The following ANKRD44 variants were observed in gnomAD, a reference collection of about 807,000 sequenced individuals.
ANKRD44 encodes the protein ankyrin repeat domain 44.
Under a neutral mutation model 116.0 loss-of-function variants are expected in ANKRD44, and 35 were observed. The observed-to-expected ratio is 0.30, with a 90% confidence interval of 0.23 to 0.40. The LOEUF (loss-of-function observed/expected upper bound fraction) is 0.40, where lower values mean the gene tolerates loss of function less well. Ranked by LOEUF, ANKRD44 falls within the 10% of genes least tolerant of loss-of-function variation. The pLI is 1.00. For synonymous variants in ANKRD44, 435 were observed against 461.8 expected (o/e 0.94, Z 0.74); for missense variants, 1,014 against 1,242.6 (o/e 0.82, Z 2.77).
intron 2 of ANKRD44, among the ~76,000 whole-genome samples, chr2:197,152,531 C>A (rs2079679487): frequency 6.6e-6 from 1 of 152,212 alleles, no homozygotes; most frequent in Admixed American, 6.5e-5. Flanking sequence ...AAGATACACA[C>A]AGCCAGCAGG....
At chr2:197,097,847 T>C (rs891603447) in intron 10 of ANKRD44, among the ~76,000 whole-genome samples, 3 of 152,202 alleles carry the variant, frequency 2.0e-5, no homozygotes, top group African/African-American at 7.2e-5. Flanking sequence ...CAGAGTGGAA[T>C]GTAATTCTTT....
intron 1 of ANKRD44, among the ~76,000 whole-genome samples, chr2:197,228,787 G>A (rs1265115751): frequency 6.6e-6 from 1 of 152,216 alleles, no homozygotes; most frequent in Non-Finnish European, 1.5e-5. Flanking sequence ...TGTAATCCCA[G>A]CACTTTGGGA....
chr2:196,967,331 A>T (rs2075680608), exon 22 of ANKRD44: 1 of 407,504 alleles, frequency 2.5e-6, no homozygotes, highest in Non-Finnish European at 5.3e-6. Flanking sequence ...GCTCCTGCAG[A>T]GTGTAACCCT....
chr2:197,008,008 C>CTCT (rs2076231545), intron 19 of ANKRD44, 85 bp from the exon 20 acceptor site: 3 of 465,638 alleles, frequency 6.4e-6, no homozygotes, highest in Admixed American at 3.6e-5. Flanking sequence ...TCTCTTTCTC[C>CTCT]CATTCTCTTC....
At chr2:197,236,464 T>A (rs907931073) in intron 1 of ANKRD44, among the ~76,000 whole-genome samples, 16 of 152,162 alleles carry the variant, frequency 1.1e-4, no homozygotes, top group African/African-American at 3.4e-4. Flanking sequence ...GCACAGTGTA[T>A]TTCTGTAGGC....
intron 1 of ANKRD44, among the ~76,000 whole-genome samples, chr2:197,286,699 A>G (rs2083417126): frequency 6.6e-6 from 1 of 152,078 alleles, no homozygotes; most frequent in Non-Finnish European, 1.5e-5. Flanking sequence ...TTTTTAATGT[A>G]ATTTTTTTTT....
intron 2 of ANKRD44, among the ~76,000 whole-genome samples, chr2:197,176,398 T>C (rs1273178348): frequency 6.6e-6 from 1 of 152,180 alleles, no homozygotes; most frequent in African/African-American, 2.4e-5. Flanking sequence ...AAGTTTATTA[T>C]GATGCCCACA....
At chr2:197,142,446 A>AT (rs922072439) in intron 3 of ANKRD44, among the ~76,000 whole-genome samples, 6 of 152,318 alleles carry the variant, frequency 3.9e-5, no homozygotes, top group Non-Finnish European at 7.3e-5. Context: ...CTTGCTATTG[A>AT]TTTTTTTAAC....
intron 2 of ANKRD44, among the ~76,000 whole-genome samples, chr2:197,176,156 A>C (rs1468496186): frequency 6.6e-6 from 1 of 152,202 alleles, no homozygotes; most frequent in Non-Finnish European, 1.5e-5. Flanking sequence ...CAAAGATTGG[A>C]CTGTGACACC....
At chr2:197,000,013 A>C (rs2125896442) in intron 23 of ANKRD44, among the ~76,000 whole-genome samples, 1 of 152,338 alleles carries the variant, frequency 6.6e-6, no homozygotes, top group South Asian at 2.1e-4. Flanking sequence ...CATTCAATGA[A>C]ATAATATGTA....
chr2:197,067,396 C>G (rs946934656), intron 16 of ANKRD44, among the ~76,000 whole-genome samples: 1 of 152,156 alleles, frequency 6.6e-6, no homozygotes, highest in African/African-American at 2.4e-5. Flanking sequence ...GTCTAAAACA[C>G]CAAAAGCACC....
chr2:197,089,987 A>C lies in ANKRD44; in HGVS notation c.1146T>G (p.Asn382Lys), dbSNP rs1171751091. The C allele has an allele frequency of 1.2e-6, 2 of 1,614,020 alleles. No individual in the cohort carries two copies. Among genetic ancestry groups the C allele is most frequent in the African/African-American group, 2.7e-5 (2 of 74,934 alleles). ...SMFPLHLAAL[N>K]AHSDCCRKLL... The stretch of plus-strand genomic sequence containing the variant: ...ACTTTCTGCAGCAGTCAGAGTGAGC[A>C]TTTAGGGCAGCTAAATGTAAAGGGA... The change falls in exon 11 of 28, where the codon AAT (asparagine) becomes AAG (lysine). Residue 382 changes from asparagine to lysine, a missense_variant. By Grantham distance (94) the Asn-to-Lys change is moderately conservative. Transcript: ENST00000282272.
chr2:197,231,983 T>TGGAA (rs1490012046), intron 1 of ANKRD44, among the ~76,000 whole-genome samples: 5 of 152,196 alleles, frequency 3.3e-5, no homozygotes, highest in Non-Finnish European at 7.3e-5. Context: ...GATGGATGGA[T>TGGAA]GGAAGGATGA....
intron 16 of ANKRD44, among the ~76,000 whole-genome samples, chr2:197,035,624 G>A (rs1476397644): frequency 6.6e-6 from 1 of 152,126 alleles, no homozygotes; most frequent in Non-Finnish European, 1.5e-5. Context: ...TGAAGGGGTG[G>A]AAGCAGGCCA....
chr2:197,289,158 T>C (rs1271732176), intron 1 of ANKRD44, among the ~76,000 whole-genome samples: 3 of 152,218 alleles, frequency 2.0e-5, no homozygotes, highest in Non-Finnish European at 4.4e-5. Context: ...CTCACTCATA[T>C]AGACTCCATA....
chr2:197,269,081 T>TTTTGTG (rs2082819619), intron 1 of ANKRD44, among the ~76,000 whole-genome samples: 1 of 129,584 alleles, frequency 7.7e-6, no homozygotes, highest in African/African-American at 2.5e-5. Context: ...GGTAATGTGT[T>TTTTGTG]TTTGTTTTTG....
At chr2:197,160,712 G>A (rs993584440) in intron 2 of ANKRD44, among the ~76,000 whole-genome samples, 5 of 152,158 alleles carry the variant, frequency 3.3e-5, no homozygotes, top group Non-Finnish European at 7.3e-5. Context: ...CTGCTGCCCT[G>A]AAGGCCTCCT....
intron 8 of ANKRD44, among the ~76,000 whole-genome samples, chr2:197,116,469 C>T (rs1338791546): frequency 1.3e-5 from 2 of 152,212 alleles, no homozygotes; most frequent in Non-Finnish European, 2.9e-5. Flanking sequence ...CCACGCTCTG[C>T]GACTTCAGCC....
chr2:197,230,464 G>A (rs2125762060), intron 1 of ANKRD44, among the ~76,000 whole-genome samples: 1 of 152,266 alleles, frequency 6.6e-6, no homozygotes, highest in East Asian at 1.9e-4. Flanking sequence ...GACAAACCAT[G>A]TGGAGCTAGG....
Sources: gnomAD v4.1 joint callset for allele counts (sites outside exome capture counted in the v4.1 genomes callset) on GRCh38, gnomAD v4.1.1 for gene constraint, MANE v1.5 for transcripts, NCBI Gene and HGNC (gene_info 2026-07-23, HGNC 2026-07-21) for gene names.